Variants in COP1 observed in about 807,000 individuals in gnomAD.
The protein encoded by COP1 is E3 ubiquitin-protein ligase COP1.
COP1 carries 24 observed loss-of-function variants against 101.3 expected under a neutral mutation model. That is an observed-to-expected ratio of 0.24 (90% CI 0.17 to 0.33). The LOEUF (loss-of-function observed/expected upper bound fraction) is 0.33. COP1 is among the 10% of genes least tolerant of loss of function. The pLI, the probability that COP1 is intolerant of heterozygous loss-of-function variation, is 1.00. For missense variants in COP1, 663 were observed against 906.2 expected (o/e 0.73, Z 3.45); for synonymous variants, 347 against 341.9 (o/e 1.01, Z -0.17).
At chr1:176,075,120 C>G (rs545995558) in intron 11 of COP1, among the ~76,000 whole-genome samples, 2 of 152,250 alleles carry the variant, frequency 1.3e-5, no homozygotes, top group East Asian at 3.9e-4. Context: ...CTAGTCTGGC[C>G]TAGCCTGCAC....
chr1:176,174,089 C>T (rs969874879), intron 3 of COP1, among the ~76,000 whole-genome samples: 8 of 78,470 alleles, frequency 1.0e-4, no homozygotes, highest in African/African-American at 2.3e-4. Flanking sequence ...TCATATATAA[C>T]TCTCTCTCAC....
intron 5 of COP1, among the ~76,000 whole-genome samples, chr1:176,149,568 T>C (rs1692095647): frequency 6.6e-6 from 1 of 152,146 alleles, no homozygotes; most frequent in African/African-American, 2.4e-5. Context: ...TGTGAGAATA[T>C]ATTTCTATGG....
intron 12 of COP1, among the ~76,000 whole-genome samples, chr1:176,044,817 C>T (rs1011668784): frequency 1.3e-5 from 2 of 152,134 alleles, no homozygotes; most frequent in Admixed American, 6.5e-5. Context: ...CCATTTATTC[C>T]AATATATCAG....
At chr1:176,104,734 T>C (rs1054230387) in intron 9 of COP1, among the ~76,000 whole-genome samples, 5 of 152,012 alleles carry the variant, frequency 3.3e-5, no homozygotes, top group African/African-American at 1.2e-4. Flanking sequence ...TTTTGGAGGG[T>C]GGTTTATTTG....
intron 18 of COP1, among the ~76,000 whole-genome samples, chr1:175,964,403 G>A (rs1651750999): frequency 8.1e-6 from 1 of 123,980 alleles, no homozygotes. Flanking sequence ...AGGAAGGTAA[G>A]TTCCTTGAAA....
chr1:176,148,398 A>G (rs926807952), intron 6 of COP1, among the ~76,000 whole-genome samples: 3 of 152,074 alleles, frequency 2.0e-5, no homozygotes, highest in Non-Finnish European at 4.4e-5. Context: ...AAATTTAAAA[A>G]AAAAAAAAAA....
chr1:176,065,017 GAC>G (rs1321248698), intron 11 of COP1, among the ~76,000 whole-genome samples: 1 of 152,150 alleles, frequency 6.6e-6, no homozygotes, highest in Non-Finnish European at 1.5e-5. Flanking sequence ...AATTTAGAGA[GAC>G]ACAAACCATA....
intron 11 of COP1, among the ~76,000 whole-genome samples, chr1:176,063,430 T>A (rs957351779): frequency 1.3e-5 from 2 of 152,218 alleles, no homozygotes; most frequent in African/African-American, 4.8e-5. Flanking sequence ...TTATTGTATA[T>A]AAATTATACT....
At chr1:176,135,208 T>C in intron 7 of COP1, 122 bp from the exon 8 acceptor site, 1 of 584,136 alleles carries the variant, frequency 1.7e-6, no homozygotes, top group East Asian at 3.0e-5. Flanking sequence ...TGTCTCAATA[T>C]CAAATTTCTG....
At chr1:176,014,311 A>G (rs1665235615) in intron 15 of COP1, among the ~76,000 whole-genome samples, 2 of 152,224 alleles carry the variant, frequency 1.3e-5, no homozygotes. Flanking sequence ...GTCTACTCTC[A>G]TCAATGCAAG....
chr1:176,176,740 C>G (rs1179886723), intron 2 of COP1, among the ~76,000 whole-genome samples: 1 of 151,902 alleles, frequency 6.6e-6, no homozygotes. Flanking sequence ...CCCAGGAGTT[C>G]AGGGCTACAG....
At chr1:175,989,575 C>T in intron 15 of COP1, 96 bp from the exon 16 acceptor site, 1 of 666,920 alleles carries the variant, frequency 1.5e-6, no homozygotes, top group Non-Finnish European at 2.7e-6. Context: ...AAAAGTTTCA[C>T]ATATGATGTC....
intron 11 of COP1, among the ~76,000 whole-genome samples, chr1:176,058,372 T>C (rs1422809385): frequency 1.3e-5 from 2 of 152,180 alleles, no homozygotes; most frequent in African/African-American, 4.8e-5. Context: ...GGTTGCTGTG[T>C]CTGTGTAGAA....
intron 8 of COP1, among the ~76,000 whole-genome samples, chr1:176,126,388 C>A (rs1426060491): frequency 6.6e-6 from 1 of 152,072 alleles, no homozygotes; most frequent in Non-Finnish European, 1.5e-5. Context: ...GAAGTGTGTT[C>A]CTTCTATAAC....
chr1:175,946,793 A>T (rs1234489066), intron 19 of COP1, among the ~76,000 whole-genome samples: 1 of 152,212 alleles, frequency 6.6e-6, no homozygotes, highest in Non-Finnish European at 1.5e-5. Context: ...TATGACCAAG[A>T]TATGTTTAAA....
chr1:176,007,698 T>G (rs958211446), intron 15 of COP1, among the ~76,000 whole-genome samples: 2 of 152,142 alleles, frequency 1.3e-5, no homozygotes, highest in African/African-American at 2.4e-5. Context: ...GCAGTCTGCC[T>G]GTTCTCAGAT....
At chr1:176,108,942 TCTCTA>T (rs1277312575) in intron 9 of COP1, among the ~76,000 whole-genome samples, 1 of 151,910 alleles carries the variant, frequency 6.6e-6, no homozygotes, top group Non-Finnish European at 1.5e-5. Context: ...TGAAACCCCT[TCTCTA>T]CTAAAAATAT....
chr1:176,152,118 C>G (rs914267788), intron 5 of COP1, among the ~76,000 whole-genome samples: 1 of 152,052 alleles, frequency 6.6e-6, no homozygotes. Context: ...TGGCGACACC[C>G]CATCTCTACA....
intron 2 of COP1, among the ~76,000 whole-genome samples, chr1:176,184,154 T>G (rs1049340638): frequency 6.6e-6 from 1 of 152,084 alleles, no homozygotes; most frequent in Non-Finnish European, 1.5e-5. Context: ...ATTAAAAAAT[T>G]TTTTTGATGT....
Sources: gnomAD v4.1 joint callset for allele counts (sites outside exome capture counted in the v4.1 genomes callset) on GRCh38, gnomAD v4.1.1 for gene constraint, MANE v1.5 for transcripts, NCBI Gene and HGNC (gene_info 2026-07-23, HGNC 2026-07-21) for gene names.